The following RGS6 variants were observed in gnomAD, a reference collection of about 807,000 sequenced individuals.
RGS6 encodes the protein regulator of G protein signaling 6, also known as regulator of G-protein signaling 6.
A neutral mutation model predicts 78.5 loss-of-function variants in RGS6; 30 were observed. The ratio of observed to expected loss-of-function variants is 0.38; its 90% CI spans 0.29 to 0.52. The LOEUF (loss-of-function observed/expected upper bound fraction) is 0.52. Ranked by LOEUF, RGS6 falls within the 20% of genes least tolerant of loss-of-function variation. RGS6 has a pLI of 0.85. For missense variants in RGS6, 495 were observed against 609.7 expected (o/e 0.81, Z 1.98); for synonymous variants, 206 against 206.0 (o/e 1.00, Z 0.00).
chr14:72,113,221 G>C (rs1567229721), intron 2 of RGS6, among the ~76,000 whole-genome samples: 1 of 152,198 alleles, frequency 6.6e-6, no homozygotes, highest in Non-Finnish European at 1.5e-5. Flanking sequence ...TTATATTAGT[G>C]TACCTTGTAC....
chr14:72,459,535 G>C, intron 5 of RGS6, 97 bp from the exon 6 acceptor site: 24 of 1,108,466 alleles, frequency 2.2e-5, no homozygotes, highest in Non-Finnish European at 3.3e-5. Context: ...GAAGGAGATG[G>C]GGGAGAGCCT....
At position 72,428,971 on chromosome 14, in the gene RGS6, C is replaced by T. The variant is rs570540486; in HGVS notation, c.185-25557C>T. On this transcript the variant is annotated intron_variant, in intron 3 of 17. Coordinates refer to ENST00000553525, the MANE Select transcript of RGS6 (RefSeq NM_001204424.2). ...ATCCTAGCACTTTGGGAGGCCAAGG[C>T]GGGTGGATTGTCTGAGCTCAGGAGT... is the stretch of plus-strand genomic sequence containing the variant. Among the ~76,000 whole-genome samples, 22 of 152,244 alleles carry T rather than the reference C, an allele frequency of 1.4e-4. No individual in the cohort carries two copies. The South Asian group carries it at 1.7e-3, about 11-fold the overall frequency.
the RGS6 span, among the ~76,000 whole-genome samples, chr14:72,591,655 T>C: frequency 6.6e-6 from 1 of 152,210 alleles, no homozygotes; most frequent in Non-Finnish European, 1.5e-5. Context: ...ACCTGGTGCC[T>C]ACTGTGTCCA....
At chr14:72,036,126 T>A (rs2091658890) in intron 2 of RGS6, among the ~76,000 whole-genome samples, 1 of 151,990 alleles carries the variant, frequency 6.6e-6, no homozygotes, top group African/African-American at 2.4e-5. Flanking sequence ...TCCTACCGTA[T>A]ATAATCTTTT....
rs181480918 is a variant in RGS6, at chr14:72,409,802, G to C, written c.185-44726G>C. On this transcript the variant is annotated intron_variant, in intron 3 of 17. Coordinates refer to ENST00000553525, the MANE Select transcript of RGS6 (RefSeq NM_001204424.2). ...TTGTTCAGTTCCCACCTGTGAGTGA[G>C]AACATGCAGCGTTTGGTTTTTTGTT... 2.5e-3 allele frequency among the ~76,000 whole-genome samples: 383 copies of C among 152,232 alleles called. 5 individuals carry two copies. Among genetic ancestry groups the C allele is most frequent in the African/African-American group, 8.8e-3 (364 of 41,526 alleles).
At chr14:72,580,666 G>A in the RGS6 span, among the ~76,000 whole-genome samples, 32 of 152,224 alleles carry the variant, frequency 2.1e-4, no homozygotes, top group Non-Finnish European at 4.1e-4. Flanking sequence ...AAATGCAGGT[G>A]GAGAATGAAG....
chr14:72,084,737 A>ATT (rs113187205), intron 2 of RGS6, among the ~76,000 whole-genome samples: 156 of 147,668 alleles, frequency 1.1e-3, no homozygotes, highest in African/African-American at 1.2e-3. Flanking sequence ...TCATTCATTG[A>ATT]TTTTTTTTTT....
intron 15 of RGS6, among the ~76,000 whole-genome samples, chr14:72,535,015 T>C (rs1347277672): frequency 1.3e-5 from 2 of 152,198 alleles, no homozygotes; most frequent in Admixed American, 6.5e-5. Flanking sequence ...CATTCTCTCT[T>C]GGAACAGCCA....
chr14:72,223,433 A>T (rs2047357787), intron 2 of RGS6, among the ~76,000 whole-genome samples: 1 of 152,246 alleles, frequency 6.6e-6, no homozygotes. Flanking sequence ...CATTCATTAT[A>T]GTCATTAGTC....
intron 3 of RGS6, among the ~76,000 whole-genome samples, chr14:72,439,613 A>T (rs2095100078): frequency 6.6e-6 from 1 of 152,152 alleles, no homozygotes; most frequent in African/African-American, 2.4e-5. Context: ...TCCACATCTG[A>T]GCTGGACATT....
intron 2 of RGS6, among the ~76,000 whole-genome samples, chr14:72,057,770 G>A (rs944832430): frequency 2.6e-5 from 4 of 152,204 alleles, no homozygotes; most frequent in African/African-American, 7.2e-5. Flanking sequence ...TACAAAGTCA[G>A]CAGCTCAAGA....
intron 3 of RGS6, among the ~76,000 whole-genome samples, chr14:72,404,221 G>A (rs2092719109): frequency 6.6e-6 from 1 of 152,098 alleles, no homozygotes; most frequent in South Asian, 2.1e-4. Context: ...GGTTATGACT[G>A]TTTCAAAGTC....
chr14:71,887,927 C>T, the RGS6 span, among the ~76,000 whole-genome samples: 3 of 152,172 alleles, frequency 2.0e-5, no homozygotes, highest in African/African-American at 7.2e-5. Flanking sequence ...ACTCACTGTT[C>T]TTACACCCCT....
chr14:72,268,128 C>G (rs2239259), intron 2 of RGS6, among the ~76,000 whole-genome samples: 9,995 of 152,236 alleles, frequency 0.066, 378 homozygotes, highest in East Asian at 0.18. Context: ...TTTGACTTGT[C>G]TAGACGATTA....
At chr14:72,494,400 G>C (rs376697784) in intron 12 of RGS6, among the ~76,000 whole-genome samples, 9 of 151,994 alleles carry the variant, frequency 5.9e-5, no homozygotes, top group Non-Finnish European at 7.4e-5. Flanking sequence ...ATATAAAAGC[G>C]TATAATTTAG....
At chr14:72,601,675 A>C in the RGS6 span, among the ~76,000 whole-genome samples, 1 of 152,244 alleles carries the variant, frequency 6.6e-6, no homozygotes, top group East Asian at 1.9e-4. Context: ...CAACACATAC[A>C]GGTATCAAAA....
At chr14:72,607,408 G>T in the RGS6 span, among the ~76,000 whole-genome samples, 4,044 of 152,294 alleles carry the variant, frequency 0.027, 201 homozygotes, top group African/African-American at 0.093. Flanking sequence ...GGGGCAAGGG[G>T]TCTGTCTTGG....
At chr14:72,613,360 G>C in the RGS6 span, among the ~76,000 whole-genome samples, 1 of 152,210 alleles carries the variant, frequency 6.6e-6, no homozygotes, top group Non-Finnish European at 1.5e-5. Flanking sequence ...GTCATGATAA[G>C]TAATTATATC....
intron 2 of RGS6, among the ~76,000 whole-genome samples, chr14:72,193,513 C>G (rs1251163151): frequency 4.6e-5 from 7 of 152,146 alleles, no homozygotes; most frequent in Non-Finnish European, 1.0e-4. Flanking sequence ...ACTTCTGGAC[C>G]CTTGGGATAT....
Sources: allele counts gnomAD v4.1 joint callset (sites outside exome capture counted in the v4.1 genomes callset), GRCh38; gene constraint gnomAD v4.1.1; transcripts MANE v1.5; gene names NCBI Gene and HGNC (gene_info 2026-07-23, HGNC 2026-07-21).